The following SHANK2 variants were observed in gnomAD, a reference collection of about 807,000 sequenced individuals.
The protein encoded by SHANK2 is SH3 and multiple ankyrin repeat domains protein 2.
SHANK2 carries 43 observed loss-of-function variants against 133.7 expected under a neutral mutation model. The ratio of observed to expected loss-of-function variants is 0.32; its 90% confidence interval spans 0.25 to 0.41. SHANK2 has a LOEUF of 0.41. Among genes scored for constraint, SHANK2 ranks in the 10% least tolerant of loss-of-function variants. The pLI, the probability that SHANK2 is intolerant of heterozygous loss-of-function variation, is 1.00. For missense variants in SHANK2, 1,994 were observed against 2,235.8 expected (o/e 0.89, Z 2.18); for synonymous variants, 1,017 against 952.8 (o/e 1.07, Z -1.24).
intron 11 of SHANK2, among the ~76,000 whole-genome samples, chr11:70,837,975 CAAAAAAAAAAAAAAAA>C (rs55862093): frequency 2.4e-3 from 60 of 25,182 alleles, no homozygotes; most frequent in African/African-American, 7.1e-3. Flanking sequence ...CATTCTGTCT[CAAAAAAAAAAAAAAAA>C]AAAAAAAAAA....
chr11:71,228,039 A>G (rs901005719), intron 1 of SHANK2, among the ~76,000 whole-genome samples: 5 of 152,158 alleles, frequency 3.3e-5, no homozygotes, highest in Admixed American at 6.5e-5. Context: ...AAAAAACAAC[A>G]CAAATTACCA....
rs571627275 is a variant in SHANK2 at position 71,137,252 on chromosome 11, T to G, written c.207+9868A>C. On this transcript the variant is annotated intron_variant, in intron 3 of 25. Coordinates refer to ENST00000601538, the MANE Select transcript of SHANK2 (RefSeq NM_012309.5). ...TGAAAAAAAGAAAGTTTTAGTCTTT[T>G]CTTTTTTTTTAAATCCTTTTTTAAA... is the stretch of plus-strand genomic sequence containing the variant. Among the ~76,000 whole-genome samples, 14 of 98,452 alleles carry G rather than the reference T, an allele frequency of 1.4e-4. No homozygotes were observed. The East Asian group carries it at 2.8e-3, about 20-fold the overall frequency. The allele number at this position is 98,452 out of a possible 152,430, so 64.6% of individuals were successfully genotyped here. A position where few individuals can be genotyped will look rare whatever the true frequency, so the allele number is the denominator to read the frequency against.
chr11:70,687,720 A>G (rs1555019973), intron 15 of SHANK2, among the ~76,000 whole-genome samples: 2 of 152,170 alleles, frequency 1.3e-5, no homozygotes, highest in Admixed American at 1.3e-4. Flanking sequence ...GGATTTTAGG[A>G]GACAGAAGAT....
rs542751977 is a variant in SHANK2 at position 70,528,802 on chromosome 11, C to T, written c.2062-25871G>A. Among the ~76,000 whole-genome samples the T allele has an allele frequency of 2.2e-4, 34 of 152,094 alleles. No individual in the cohort carries two copies. In the South Asian group the frequency reaches 6.7e-3, roughly 30 times the overall value. ...GGAGGGTGAAAGGTGAAGGGGGGTC[C>T]GTGGCAGCCGGCGAGCTGGGAGAAG... On this transcript the variant is annotated intron_variant, in intron 17 of 25. Transcript: ENST00000601538.
chr11:70,585,020 G>A (rs577725851), intron 17 of SHANK2, among the ~76,000 whole-genome samples: 20 of 152,350 alleles, frequency 1.3e-4, no homozygotes, highest in African/African-American at 3.6e-4. Context: ...CCTGAGCTCC[G>A]TGGCTACCAC....
chr11:70,674,765 C>G (rs1313435234), intron 15 of SHANK2, among the ~76,000 whole-genome samples: 2 of 152,230 alleles, frequency 1.3e-5, no homozygotes, highest in African/African-American at 4.8e-5. Context: ...ACTCACTCTG[C>G]TAGTTGTGGC....
chr11:71,090,083 C>A (rs916472105), intron 8 of SHANK2, among the ~76,000 whole-genome samples: 1,600 of 120,908 alleles, frequency 0.013, 21 homozygotes, highest in Non-Finnish European at 0.018. Flanking sequence ...TACAGAGACA[C>A]AGAACGTGTG....
intron 13 of SHANK2, among the ~76,000 whole-genome samples, chr11:70,802,768 C>T (rs782345370): frequency 1.3e-5 from 2 of 152,166 alleles, no homozygotes; most frequent in Non-Finnish European, 2.9e-5. Flanking sequence ...AAAACGCTGG[C>T]GCCCCCTGTG....
intron 2 of SHANK2, among the ~76,000 whole-genome samples, chr11:71,158,661 A>C (rs1952951506): frequency 6.6e-6 from 1 of 152,224 alleles, no homozygotes; most frequent in Non-Finnish European, 1.5e-5. Flanking sequence ...TAAAACCAAG[A>C]TAACTCTGGA....
intron 13 of SHANK2, among the ~76,000 whole-genome samples, chr11:70,805,542 C>T (rs1382495650): frequency 1.3e-5 from 2 of 152,206 alleles, no homozygotes; most frequent in Non-Finnish European, 2.9e-5. Flanking sequence ...GGGCTGGCCT[C>T]AGTGGGGAGG....
chr11:70,724,571 T>C (rs1555030109), intron 14 of SHANK2, among the ~76,000 whole-genome samples: 1 of 152,216 alleles, frequency 6.6e-6, no homozygotes, highest in Non-Finnish European at 1.5e-5. Context: ...TCAAGCATGG[T>C]ATCCTTTTGG....
chr11:71,081,516 C>A (rs1290211429), intron 8 of SHANK2, among the ~76,000 whole-genome samples: 1 of 152,126 alleles, frequency 6.6e-6, no homozygotes. Context: ...TTAAAGATGT[C>A]ACCTATGTCA....
rs548667399 is a variant in SHANK2, at chr11:71,094,657, G to A, written c.624C>T (p.Asp208=). 26 of 1,551,788 alleles carry A rather than the reference G, an allele frequency of 1.7e-5. No individual in the cohort carries two copies. Among genetic ancestry groups the A allele is most frequent in the Middle Eastern group, 1.7e-4 (1 of 5,990 alleles). Residue 208 remains aspartate, a synonymous_variant, in exon 7 of 26, where the codon GAC becomes GAT. Transcript: ENST00000601538. ...ETPLTLAAQL[D]DSVEVIKALK... ...GAGCTTTGATGACCTCCACAGAGTC[G>A]TCCAGCTGAGCGGCTAAGGTCAGGG...
At chr11:70,781,582 A>ATT (rs1265149897) in intron 14 of SHANK2, among the ~76,000 whole-genome samples, 1 of 126,846 alleles carries the variant, frequency 7.9e-6, no homozygotes, top group Non-Finnish European at 1.7e-5. Context: ...ATATATATAT[A>ATT]TTTACTTATT....
chr11:70,912,102 AAAAAAAAAAAAAAG>A (rs1590825048), intron 10 of SHANK2, among the ~76,000 whole-genome samples: 1 of 116,356 alleles, frequency 8.6e-6, no homozygotes, highest in Admixed American at 8.1e-5. Context: ...AAAAAAAAAA[AAAAAAAAAAAAAAG>A]AAAGAAAGAA....
At chr11:70,532,222 T>C (rs1591544270) in intron 17 of SHANK2, among the ~76,000 whole-genome samples, 1 of 152,114 alleles carries the variant, frequency 6.6e-6, no homozygotes, top group Non-Finnish European at 1.5e-5. Context: ...ATAAGGCAGG[T>C]GCCCCCATAC....
At chr11:70,939,416 T>C (rs1261196459) in intron 10 of SHANK2, among the ~76,000 whole-genome samples, 2 of 152,112 alleles carry the variant, frequency 1.3e-5, no homozygotes, top group Non-Finnish European at 1.5e-5. Flanking sequence ...TGGCGGAGGT[T>C]GCAGTGAGCC....
rs191583159 is a variant in SHANK2 at position 70,629,524 on chromosome 11, A to C, written c.2061+30304T>G. On this transcript the variant is annotated intron_variant, in intron 17 of 25. Coordinates refer to ENST00000601538, the MANE Select transcript of SHANK2 (RefSeq NM_012309.5). ...GGATCACAGGCTGCGGGCCACCGTG[A>C]CCCTGGGGGCCGCATGTGGTGGGAA... is the stretch of plus-strand genomic sequence containing the variant. Among the ~76,000 whole-genome samples the C allele has an allele frequency of 1.6e-3, 236 of 152,022 alleles. 2 individuals carry two copies. The highest frequency in any genetic ancestry group is 5.3e-3 in the African/African-American group (221 of 41,448).
intron 3 of SHANK2, among the ~76,000 whole-genome samples, chr11:71,145,776 C>T (rs553646018): frequency 3.4e-5 from 5 of 147,152 alleles, no homozygotes; most frequent in Admixed American, 2.7e-4. Context: ...GCCCCCCTTC[C>T]CCATCGTGGC....
Sources: gnomAD v4.1 joint callset for allele counts (sites outside exome capture counted in the v4.1 genomes callset) on GRCh38, gnomAD v4.1.1 for gene constraint, MANE v1.5 for transcripts, NCBI Gene and HGNC (gene_info 2026-07-23, HGNC 2026-07-21) for gene names.